Variants in IMPG2 observed in about 807,000 individuals in gnomAD.
The protein encoded by IMPG2 is interphotoreceptor matrix proteoglycan 2.
Under a neutral mutation model 129.2 loss-of-function variants are expected in IMPG2, and 91 were observed. The ratio of observed to expected loss-of-function variants is 0.70; its 90% CI spans 0.59 to 0.84. The LOEUF is 0.84. IMPG2 is among the 40% of genes least tolerant of loss of function. The probability of loss-of-function intolerance (pLI) is 0.00; values close to 1 mark genes in which losing one functional copy is unlikely to be tolerated. For synonymous variants in IMPG2, 510 were observed against 517.7 expected, an observed-to-expected ratio of 0.99 and a Z score of 0.20; for missense variants, 1,430 against 1,461.7, an observed-to-expected ratio of 0.98 and a Z score of 0.35.
intron 14 of IMPG2, among the ~76,000 whole-genome samples, chr3:101,235,894 G>A (rs529200137): frequency 4.6e-5 from 7 of 151,776 alleles, no homozygotes; most frequent in African/African-American, 1.7e-4. Context: ...TTTATGGCCT[G>A]AGCAACATCA....
intron 4 of IMPG2, among the ~76,000 whole-genome samples, chr3:101,283,209 G>A (rs1576762766): frequency 6.6e-6 from 1 of 152,126 alleles, no homozygotes; most frequent in Non-Finnish European, 1.5e-5. Context: ...TATTTTTGTA[G>A]AGACGGGATT....
intron 3 of IMPG2, among the ~76,000 whole-genome samples, chr3:101,298,466 C>G (rs1707105326): frequency 6.6e-6 from 1 of 152,090 alleles, no homozygotes; most frequent in Non-Finnish European, 1.5e-5. Context: ...TTTTTGCACA[C>G]TAGTTGATGC....
intron 17 of IMPG2, 138 bp downstream of exon 17, chr3:101,229,242 C>T (rs1198966178): frequency 1.9e-5 from 14 of 755,918 alleles, no homozygotes; most frequent in Non-Finnish European, 2.5e-5. Context: ...AAACCAATTA[C>T]TAAATATTTT....
Position 101,223,729 on chromosome 3 carries a change from G to A in IMPG2, c.*3240C>T, listed in dbSNP as rs1706189492. ...ACAATTTAGTGTGGCAAAAAAGAGAGAAAAGAATAAAAAAGAGAAAGTGGG... is the reference window on the plus strand; with the variant it reads ...ACAATTTAGTGTGGCAAAAAAGAGAAAAAAGAATAAAAAAGAGAAAGTGGG... On this transcript the variant is annotated 3_prime_UTR_variant, in exon 19 of 19. Transcript: ENST00000193391. The A allele has an allele frequency of 6.6e-6, 1 of 152,162 alleles. No homozygotes were observed. The highest frequency in any genetic ancestry group is 1.5e-5 in the Non-Finnish European group (1 of 68,026). The allele number at this position is 152,162 out of a possible 1,614,324, so 9.4% of individuals were successfully genotyped here. A position where few individuals can be genotyped will look rare whatever the true frequency, so the allele number is the denominator to read the frequency against.
chr3:101,298,443 T>G (rs1707105144), intron 3 of IMPG2, among the ~76,000 whole-genome samples: 1 of 152,220 alleles, frequency 6.6e-6, no homozygotes, highest in Non-Finnish European at 1.5e-5. Context: ...GTCATCATGA[T>G]GCTAGTTGGT....
chr3:101,269,926 C>CTTTTTTTTTTTTTTTTTTT (rs5851267), intron 7 of IMPG2, among the ~76,000 whole-genome samples: 41 of 106,938 alleles, frequency 3.8e-4, no homozygotes, highest in East Asian at 5.9e-4. Context: ...TTATTTTATT[C>CTTTTTTTTTTTTTTTTTTT]TTTTTTTTTT....
intron 14 of IMPG2, among the ~76,000 whole-genome samples, chr3:101,237,522 C>A (rs1339236307): frequency 1.3e-5 from 2 of 152,174 alleles, no homozygotes. Flanking sequence ...GAGGAAGGAA[C>A]AGGCAGCAAT....
At chr3:101,297,724 A>G (rs62282885) in intron 3 of IMPG2, among the ~76,000 whole-genome samples, 19,640 of 152,186 alleles carry the variant, frequency 0.13, 1,314 homozygotes, top group Middle Eastern at 0.17. Flanking sequence ...TGAGTTTCTT[A>G]AGCCTCAGTT....
chr3:101,305,046 G>A (rs563471932), intron 2 of IMPG2, among the ~76,000 whole-genome samples: 4 of 151,922 alleles, frequency 2.6e-5, no homozygotes, highest in South Asian at 4.2e-4. Flanking sequence ...ACCTGCATAC[G>A]GGTATTTAAA....
At chr3:101,240,125 AT>A (rs1184639741) in intron 14 of IMPG2, among the ~76,000 whole-genome samples, 2 of 149,998 alleles carry the variant, frequency 1.3e-5, no homozygotes, top group African/African-American at 2.4e-5. Flanking sequence ...TTTATTTTTT[AT>A]TTTTTTTTAG....
intron 6 of IMPG2, 23 bp from the exon 7 acceptor site, chr3:101,273,765 A>G (rs185842631): frequency 6.2e-7 from 1 of 1,606,786 alleles, no homozygotes; most frequent in Non-Finnish European, 8.5e-7. Context: ...AGAAAGAACA[A>G]TAAATGTCAA....
At position 101,253,725 on chromosome 3, in the gene IMPG2, T is replaced by A; in HGVS notation, c.1210A>T (p.Ser404Cys). ...ATAGATGACGGCGTTGCCTGAAGAC[T>A]TGAACTTTGGGTGTTCCAAACTAGA... is the stretch of plus-strand genomic sequence containing the variant. The part of the protein sequence containing the change: ...EDLVWNTQSS[S>C]LQATPSSILD... Residue 404 changes from serine (S) to cysteine (C), a missense_variant, in exon 11 of 19, where the codon AGT (serine) becomes TGT (cysteine). By Grantham distance (112) the Ser-to-Cys change is moderately radical. Coordinates refer to ENST00000193391, the MANE Select transcript of IMPG2 (RefSeq NM_016247.4). The A allele has an allele frequency of 1.2e-6, 2 of 1,612,090 alleles. No individual in the cohort carries two copies. Among genetic ancestry groups the A allele is most frequent in the Non-Finnish European group, 1.7e-6 (2 of 1,178,980 alleles).
At chr3:101,281,610 T>A (rs1706893404) in intron 4 of IMPG2, among the ~76,000 whole-genome samples, 1 of 152,164 alleles carries the variant, frequency 6.6e-6, no homozygotes, top group Admixed American at 6.5e-5. Context: ...AATACTAGCC[T>A]CCCAAAGAGG....
intron 7 of IMPG2, 41 bp from the exon 8 acceptor site, chr3:101,269,614 A>G (rs1317666177): frequency 9.1e-7 from 1 of 1,103,008 alleles, no homozygotes; most frequent in Admixed American, 1.7e-5. Context: ...ATGTAAAAAT[A>G]TGGAAAAATA....
intron 7 of IMPG2, among the ~76,000 whole-genome samples, chr3:101,270,045 C>T (rs1559649722): frequency 6.6e-6 from 1 of 151,202 alleles, no homozygotes; most frequent in African/African-American, 2.4e-5. Context: ...ATTGTCCTGC[C>T]TCAGCCTCCT....
At chr3:101,275,206 A>G (rs1434127742) in intron 6 of IMPG2, among the ~76,000 whole-genome samples, 8 of 152,156 alleles carry the variant, frequency 5.3e-5, no homozygotes, top group Admixed American at 3.9e-4. Flanking sequence ...ATAGAGACTC[A>G]CCTATAGGAT....
chr3:101,252,033 C>A lies in IMPG2; in HGVS notation c.1239+1663G>T, dbSNP rs577598453. On this transcript the variant is annotated intron_variant, in intron 11 of 18. Coordinates refer to ENST00000193391, the MANE Select transcript of IMPG2 (RefSeq NM_016247.4). ...TGATTGTCCTACAGTAATCACTATTCAAAAAAGAAAGGAGTTGGCGTCAAT... is the reference window on the plus strand; with the variant it reads ...TGATTGTCCTACAGTAATCACTATTAAAAAAAGAAAGGAGTTGGCGTCAAT... Among the ~76,000 whole-genome samples, 37 of 152,132 alleles carry A rather than the reference C, an allele frequency of 2.4e-4. 1 individual carries two copies. In the South Asian group the frequency reaches 7.7e-3, roughly 32 times the overall value.
chr3:101,297,296 A>G lies in IMPG2; in HGVS notation c.502-5786T>C, dbSNP rs191641103. Among the ~76,000 whole-genome samples, 583 of 151,790 alleles carry G rather than the reference A, an allele frequency of 3.8e-3. 2 individuals carry two copies. Among genetic ancestry groups the G allele is most frequent in the Non-Finnish European group, 5.0e-3 (339 of 67,948 alleles). On this transcript the variant is annotated intron_variant, in intron 3 of 18. Coordinates refer to ENST00000193391, the MANE Select transcript of IMPG2 (RefSeq NM_016247.4). ...TTGAGTCTTCTCTCTTTTCTTCTTTATTAGGATAGCTAGCAGTCAATCTAT... is the reference window on the plus strand; with the variant it reads ...TTGAGTCTTCTCTCTTTTCTTCTTTGTTAGGATAGCTAGCAGTCAATCTAT...
At chr3:101,306,870 G>GA (rs879761380) in intron 2 of IMPG2, among the ~76,000 whole-genome samples, 1 of 151,772 alleles carries the variant, frequency 6.6e-6, no homozygotes, top group Admixed American at 6.6e-5. Context: ...AATTATGAAA[G>GA]AAAAAAACAA....
Sources: gnomAD v4.1 joint callset for allele counts (sites outside exome capture counted in the v4.1 genomes callset) on GRCh38, gnomAD v4.1.1 for gene constraint, MANE v1.5 for transcripts, NCBI Gene and HGNC (gene_info 2026-07-23, HGNC 2026-07-21) for gene names.